HMGCL: variants seen among roughly 807,000 people sequenced by gnomAD.
The protein encoded by HMGCL is hydroxymethylglutaryl-CoA lyase, mitochondrial.
Under a neutral mutation model 37.3 loss-of-function variants are expected in HMGCL, and 26 were observed. The ratio of observed to expected loss-of-function variants is 0.70; its 90% CI spans 0.51 to 0.97. The LOEUF (loss-of-function observed/expected upper bound fraction) is 0.97, where lower values mean the gene tolerates loss of function less well. Among genes scored for constraint, HMGCL ranks in the 50% least tolerant of loss-of-function variants. HMGCL has a pLI of 0.00. For missense variants in HMGCL, 379 were observed against 398.1 expected (o/e 0.95, Z 0.41); for synonymous variants, 151 against 148.0 (o/e 1.02, Z -0.15).
intron 7 of HMGCL, among the ~76,000 whole-genome samples, chr1:23,805,447 C>T (rs143410385): frequency 1.5e-3 from 227 of 152,348 alleles, no homozygotes; most frequent in African/African-American, 5.0e-3. Context: ...TGAACCCATT[C>T]GAAACAGGTT....
chr1:23,802,665 G>A (rs1638306441), intron 8 of HMGCL, 101 bp from the exon 9 acceptor site: 2 of 834,476 alleles, frequency 2.4e-6, no homozygotes, highest in Admixed American at 3.7e-5. Context: ...AAAAGTAAAG[G>A]TGAAGATAAA....
chr1:23,819,736 C>A (rs1336556211), intron 2 of HMGCL, among the ~76,000 whole-genome samples: 7 of 151,086 alleles, frequency 4.6e-5, no homozygotes, highest in Non-Finnish European at 1.0e-4. Flanking sequence ...CTCCCAAAAA[C>A]ACACACACAC....
intron 6 of HMGCL, 148 bp from the exon 7 acceptor site, chr1:23,808,471 A>G (rs952780994): frequency 3.0e-5 from 22 of 732,374 alleles, no homozygotes; most frequent in African/African-American, 2.8e-4. Context: ...CACCACTCCA[A>G]CTGGGAATGA....
At chr1:23,808,461 C>T in intron 6 of HMGCL, 138 bp from the exon 7 acceptor site, 1 of 756,164 alleles carries the variant, frequency 1.3e-6, no homozygotes, top group Non-Finnish European at 2.4e-6. Context: ...ACATGCTCCT[C>T]ACCACTCCAA....
intron 1 of HMGCL, among the ~76,000 whole-genome samples, chr1:23,823,729 G>GT (rs1444519270): frequency 2.0e-5 from 3 of 151,868 alleles, no homozygotes; most frequent in Non-Finnish European, 2.9e-5. Context: ...CCATTTTACT[G>GT]TAAGAAATCT....
intron 2 of HMGCL, among the ~76,000 whole-genome samples, chr1:23,820,008 T>C (rs1638683616): frequency 6.6e-6 from 1 of 152,208 alleles, no homozygotes; most frequent in Non-Finnish European, 1.5e-5. Flanking sequence ...TGTTTCCAAC[T>C]GTTCTGTGCT....
intron 1 of HMGCL, among the ~76,000 whole-genome samples, chr1:23,823,865 C>CA (rs1638767733): frequency 6.7e-6 from 1 of 149,282 alleles, no homozygotes; most frequent in African/African-American, 2.5e-5. Flanking sequence ...GACACCGTCT[C>CA]AGGAAAAAAA....
At chr1:23,810,616 C>G (rs1638502078) in intron 6 of HMGCL, 120 bp downstream of exon 6, 1 of 811,480 alleles carries the variant, frequency 1.2e-6, no homozygotes, top group South Asian at 1.4e-5. Context: ...AATGAAGGAG[C>G]TGGGTGAATG....
rs1038056309 is a variant in HMGCL, at chr1:23,806,496, T to C, written c.750+1639A>G. On this transcript the variant is annotated intron_variant, in intron 7 of 8. Transcript: ENST00000374490. The surrounding 1 kb of genome is among the most constrained non-coding windows in gnomAD (Gnocchi z 4.0). ...CCTCAGGGCTCTGCGCCTGCTTTCCTGGGTGGGGCTCCCTTCCCTCCCCCT... is the reference window on the plus strand; with the variant it reads ...CCTCAGGGCTCTGCGCCTGCTTTCCCGGGTGGGGCTCCCTTCCCTCCCCCT... Among the ~76,000 whole-genome samples, 5 of 152,168 alleles carry C rather than the reference T, an allele frequency of 3.3e-5. No homozygotes were observed. Among genetic ancestry groups the C allele is most frequent in the African/African-American group, 9.7e-5 (4 of 41,444 alleles).
At chr1:23,823,564 G>T (rs2148427447) in intron 1 of HMGCL, among the ~76,000 whole-genome samples, 1 of 152,084 alleles carries the variant, frequency 6.6e-6, no homozygotes, top group South Asian at 2.1e-4. Flanking sequence ...GGTTGGCCAG[G>T]CTGGTCCCGA....
chr1:23,821,126 C>T (rs1321249390), intron 1 of HMGCL, among the ~76,000 whole-genome samples: 1 of 152,050 alleles, frequency 6.6e-6, no homozygotes, highest in African/African-American at 2.4e-5. Flanking sequence ...GAGGCCGAAG[C>T]GGGCGATCAC....
intron 7 of HMGCL, among the ~76,000 whole-genome samples, chr1:23,805,127 C>T (rs1412812247): frequency 4.6e-5 from 7 of 152,166 alleles, no homozygotes; most frequent in Non-Finnish European, 1.0e-4. Flanking sequence ...TACCCACCTG[C>T]CTACATCTGG....
At chr1:23,824,737 T>C (rs1358434593) in intron 1 of HMGCL, among the ~76,000 whole-genome samples, 1 of 152,224 alleles carries the variant, frequency 6.6e-6, no homozygotes, top group Non-Finnish European at 1.5e-5. Flanking sequence ...AACTATGTCA[T>C]TAAGTCTAGA....
intron 1 of HMGCL, among the ~76,000 whole-genome samples, chr1:23,824,591 A>G (rs1326201939): frequency 6.6e-6 from 1 of 152,162 alleles, no homozygotes; most frequent in Non-Finnish European, 1.5e-5. Flanking sequence ...TAAAAATACC[A>G]CCACCGACTG....
In HMGCL at chr1:23,804,142, G is replaced by C. The variant is rs1638355361; in HGVS notation, c.876+258C>G. Reference sequence around the variant, plus strand: ...TTTTGTTTTGAAGAGATAGGGTCTTGCTGTTTCACCCAGGCTGGAGTACAC... The same window carrying C: ...TTTTGTTTTGAAGAGATAGGGTCTTCCTGTTTCACCCAGGCTGGAGTACAC... On this transcript the variant is annotated intron_variant, in intron 8 of 8. Transcript: ENST00000374490. 5.5e-6 allele frequency: 3 copies of C among 540,986 alleles called. No homozygotes were observed. The East Asian group carries it at 9.9e-5, about 18-fold the overall frequency. 33.5% of individuals were successfully genotyped at this position (540,986 alleles called of 1,614,324 possible).
chr1:23,824,698 G>C (rs1638783770), intron 1 of HMGCL, among the ~76,000 whole-genome samples: 1 of 152,190 alleles, frequency 6.6e-6, no homozygotes, highest in Non-Finnish European at 1.5e-5. Flanking sequence ...TTTTACAGAC[G>C]AAAGAGCTGA....
intron 7 of HMGCL, among the ~76,000 whole-genome samples, chr1:23,805,218 G>A (rs911689384): frequency 5.3e-5 from 8 of 152,068 alleles, no homozygotes; most frequent in African/African-American, 1.4e-4. Flanking sequence ...ACCTTGGCGT[G>A]AGGCCCATTC....
At chr1:23,804,876 A>ACCCCCCCCCCCCCCCCCCCC (rs138996016) in intron 7 of HMGCL, among the ~76,000 whole-genome samples, 3 of 61,284 alleles carry the variant, frequency 4.9e-5, no homozygotes, top group African/African-American at 7.0e-5. Context: ...TTCATTTATT[A>ACCCCCCCCCCCCCCCCCCCC]CCCCCCCCCC....
intron 4 of HMGCL, among the ~76,000 whole-genome samples, 194 bp from the exon 5 acceptor site, chr1:23,814,532 G>A (rs947263468): frequency 5.3e-5 from 8 of 151,930 alleles, no homozygotes; most frequent in East Asian, 1.9e-4. Flanking sequence ...CACCACGCCC[G>A]GCTAATTTTT....
Sources: allele counts gnomAD v4.1 joint callset (sites outside exome capture counted in the v4.1 genomes callset), GRCh38; gene constraint gnomAD v4.1.1; non-coding constraint Gnocchi (gnomAD v3.1); transcripts MANE v1.5; gene names NCBI Gene and HGNC (gene_info 2026-07-23, HGNC 2026-07-21).